IRAK1: variants seen among roughly 807,000 people sequenced by gnomAD.
The protein encoded by IRAK1 is interleukin 1 receptor associated kinase 1.
IRAK1 carries 9 observed loss-of-function variants against 49.8 expected under a neutral mutation model. That is an observed-to-expected ratio of 0.18 (90% confidence interval 0.11 to 0.32). IRAK1 has a LOEUF of 0.32. Ranked by LOEUF, IRAK1 falls within the 10% of genes least tolerant of loss-of-function variation. IRAK1 has a pLI of 1.00. For synonymous variants in IRAK1, 282 were observed against 270.8 expected (o/e 1.04, Z -0.41); for missense variants, 418 against 600.5 (o/e 0.70, Z 3.18).
rs2065692037 is a variant in IRAK1, at chrX:154,010,806, C to T, written c.*1053G>A. 7.4e-6 allele frequency: 2 copies of T among 269,489 alleles called. No homozygotes were observed. Among genetic ancestry groups the T allele is most frequent in the South Asian group, 6.9e-5 (2 of 28,957 alleles). The allele number at this position is 269,489 out of a possible 1,213,427, so 22.2% of individuals were successfully genotyped here. On this transcript the variant is annotated 3_prime_UTR_variant, in exon 14 of 14. Transcript: ENST00000369980. ...CTGGGTAACTAGGTCTTGGGCCTAG[C>T]TAGACCTTGGGTAGTGGCCCCTCTG...
At chrX:154,012,077 T>A (rs1230341169) in intron 13 of IRAK1, among the ~76,000 whole-genome samples, 160 bp from the exon 14 acceptor site, 1 of 112,569 alleles carries the variant, frequency 8.9e-6, no homozygotes, top group East Asian at 2.8e-4. Context: ...AGACAGGGTC[T>A]AACTGTCTCC....
At chrX:154,014,368 TGATAA>T in intron 10 of IRAK1, 90 bp from the exon 11 acceptor site, 2 of 669,257 alleles carry the variant, frequency 3.0e-6, no homozygotes, top group African/African-American at 3.9e-5. Flanking sequence ...GTATGGGTTT[TGATAA>T]AAAAAAAAAA....
chrX:154,017,816 AAAAAAAAAAAT>A (rs1247440532), intron 7 of IRAK1, among the ~76,000 whole-genome samples, 179 bp downstream of exon 7: 4 of 99,006 alleles, frequency 4.0e-5, no homozygotes, highest in South Asian at 9.3e-4. Flanking sequence ...AAAAAAAAAA[AAAAAAAAAAAT>A]TGACCCCACC....
chrX:154,015,788 C>A (rs2065734757), intron 10 of IRAK1, among the ~76,000 whole-genome samples: 2 of 112,645 alleles, frequency 1.8e-5, no homozygotes, highest in Admixed American at 9.3e-5. Context: ...CTGGGACCGC[C>A]CTTCCCCCTG....
At position 154,011,739 on chromosome X, in the gene IRAK1, C is replaced by G. The variant is rs1322380607; in HGVS notation, c.*120G>C. ...CAGCAGGGCCACCTCCTTCTCTCCC[C>G]CGCGGGCATGGGCCCCCACCCCCAC... On this transcript the variant is annotated 3_prime_UTR_variant, in exon 14 of 14. Coordinates refer to ENST00000369980, the MANE Select transcript of IRAK1 (RefSeq NM_001569.4). 4.3e-6 allele frequency: 3 copies of G among 700,896 alleles called. No homozygotes were observed. Among genetic ancestry groups the G allele is most frequent in the Non-Finnish European group, 6.9e-6 (3 of 433,613 alleles). 57.8% of individuals were successfully genotyped at this position (700,896 alleles called of 1,213,427 possible).
rs782315247 is a variant in IRAK1 at position 154,014,164 on chromosome X, T to A, written c.1417A>T (p.Ile473Phe). ...DAWAAPIAMQIYKKHLDPRPG... is the reference protein window; with the variant it reads ...DAWAAPIAMQFYKKHLDPRPG... ...CTGGGGTCCAGGTGCTTCTTGTAGA[T>A]CTGCATGGCGATGGGAGCAGCCCAG... Residue 473 changes from isoleucine to phenylalanine, a missense_variant, in exon 11 of 14, where the codon ATC (isoleucine) becomes TTC (phenylalanine). By Grantham distance (21) the Ile-to-Phe change is conservative. Coordinates refer to ENST00000369980, the MANE Select transcript of IRAK1 (RefSeq NM_001569.4). The A allele has an allele frequency of 3.4e-5, 41 of 1,207,749 alleles. No individual in the cohort carries two copies. In the Middle Eastern group the frequency reaches 6.9e-4, roughly 20 times the overall value.
In IRAK1 at chrX:154,013,028, C is replaced by A. The variant is rs782133738; in HGVS notation, c.1930+15G>T. The A allele has an allele frequency of 4.2e-6, 5 of 1,204,327 alleles. No individual in the cohort carries two copies. The highest frequency in any genetic ancestry group is 4.5e-6 in the Non-Finnish European group (4 of 893,733). ...GGCCTTGGTCCCTCTCCTGGGAACC[C>A]GTCTCCCCAGCTACCTTCCACGGCT... On this transcript the variant is annotated intron_variant, in intron 12 of 13. Coordinates refer to ENST00000369980, the MANE Select transcript of IRAK1 (RefSeq NM_001569.4).
In IRAK1 at chrX:154,010,795, C is replaced by T. The variant is rs917441432; in HGVS notation, c.*1064G>A. The T allele has an allele frequency of 9.4e-5, 24 of 254,851 alleles. No homozygotes were observed. Among genetic ancestry groups the T allele is most frequent in the African/African-American group, 6.6e-4 (23 of 35,024 alleles). 21.0% of individuals were successfully genotyped at this position (254,851 alleles called of 1,213,427 possible). A position where few individuals can be genotyped will look rare whatever the true frequency, so the allele number is the denominator to read the frequency against. ...CTTCTCACTGTCTGGGTAACTAGGT[C>T]TTGGGCCTAGCTAGACCTTGGGTAG... On this transcript the variant is annotated 3_prime_UTR_variant, in exon 14 of 14. Coordinates refer to ENST00000369980, the MANE Select transcript of IRAK1 (RefSeq NM_001569.4).
At position 154,018,976 on chromosome X, in the gene IRAK1, T is replaced by C. The variant is rs1557130517; in HGVS notation, c.539A>G (p.Lys180Arg). ...PPPSPAPSST[K>R]PGPESSVSLL... ...CCCTGGGGGGCAGGGGACACCTACC[T>C]TGGTAGAAGAAGGGGCTGGAGATGG... The change falls in exon 4 of 14, where the codon AAG becomes AGG. Residue 180 changes from lysine (K) to arginine (R), a missense_variant and splice_region_variant. Lys to Arg is a conservative substitution (Grantham distance 26). Around this residue, in one of 3 missense-constraint regions of IRAK1, gnomAD observed 377 missense variants for 499.5 expected, o/e 0.75. Coordinates refer to ENST00000369980, the MANE Select transcript of IRAK1 (RefSeq NM_001569.4). 5 of 1,188,614 alleles carry C rather than the reference T, an allele frequency of 4.2e-6. No individual in the cohort carries two copies. The South Asian group carries it at 9.2e-5, about 22-fold the overall frequency.
chrX:154,012,699 C>T, intron 12 of IRAK1, 21 bp from the exon 13 acceptor site: 1 of 1,201,289 alleles, frequency 8.3e-7, no homozygotes. Flanking sequence ...GATGGCACTC[C>T]CTTAGCCTCA....
intron 2 of IRAK1, 28 bp downstream of exon 2, chrX:154,019,403 C>A (rs373523853): frequency 2.5e-5 from 28 of 1,112,057 alleles, no homozygotes; most frequent in Non-Finnish European, 3.4e-5. Flanking sequence ...GCCTCCCAGC[C>A]GTGGGGTGCC....
intron 8 of IRAK1, 37 bp downstream of exon 8, chrX:154,016,912 G>A (rs781841090): frequency 3.8e-6 from 4 of 1,046,384 alleles, no homozygotes; most frequent in South Asian, 3.7e-5. Context: ...CCTTGCTGCA[G>A]GCCCTGCCCC....
Position 154,018,127 on chromosome X carries a change from G to C in IRAK1, c.795-7C>G. ...AATGTTTGGGTGACGAAACCTGTTTGAAAAAGGGGAGCACTTTCCATCAGG... is the reference window on the plus strand; with the variant it reads ...AATGTTTGGGTGACGAAACCTGTTTCAAAAAGGGGAGCACTTTCCATCAGG... On this transcript the variant is annotated splice_polypyrimidine_tract_variant and splice_region_variant and intron_variant, in intron 6 of 13. Coordinates refer to ENST00000369980, the MANE Select transcript of IRAK1 (RefSeq NM_001569.4). The C allele has an allele frequency of 8.5e-7, 1 of 1,180,574 alleles. No homozygotes were observed. Among genetic ancestry groups the C allele is most frequent in the Non-Finnish European group, 1.2e-6 (1 of 866,826 alleles).
Position 154,013,410 on chromosome X carries a change from C to A in IRAK1, c.1563G>T (p.Leu521=). 8.4e-7 allele frequency: 1 copy of A among 1,193,331 alleles called. No homozygotes were observed. Among genetic ancestry groups the A allele is most frequent in the East Asian group, 3.0e-5 (1 of 33,717 alleles). Residue 521 remains leucine, a synonymous_variant, in exon 12 of 14, where the codon CTG becomes CTT. Coordinates refer to ENST00000369980, the MANE Select transcript of IRAK1 (RefSeq NM_001569.4). ...CGGGCACCCCCGCCACCACTGCCTG[C>A]AGCTTCTCTAGCCTCTCGTACACCT... The part of the protein sequence containing the change: ...MTQVYERLEK[L]QAVVAGVPGH...
rs782789872 is a variant in IRAK1 at position 154,011,765 on chromosome X, TGCCG to T, written c.*90_*93del. On this transcript the variant is annotated 3_prime_UTR_variant, in exon 14 of 14. Transcript: ENST00000369980. ...CGCGGGCATGGGCCCCCACCCCCAC[TGCCG>T]GCAGAGTGCTGAGGACTCGTGCACC... is the stretch of plus-strand genomic sequence containing the variant. 4 of 924,436 alleles carry T rather than the reference TGCCG, an allele frequency of 4.3e-6. No individual in the cohort carries two copies. Among genetic ancestry groups the T allele is most frequent in the Non-Finnish European group, 1.6e-6 (1 of 633,722 alleles). 76.2% of individuals were successfully genotyped at this position (924,436 alleles called of 1,213,427 possible). A position where few individuals can be genotyped will look rare whatever the true frequency, so the allele number is the denominator to read the frequency against.
intron 13 of IRAK1, 122 bp downstream of exon 13, chrX:154,012,407 G>A (rs2065705584): frequency 1.1e-5 from 9 of 821,215 alleles, no homozygotes; most frequent in South Asian, 2.7e-5. Flanking sequence ...TCTAGAGGTC[G>A]CCAGAGCCAG....
intron 10 of IRAK1, among the ~76,000 whole-genome samples, chrX:154,015,264 A>G (rs1366856841): frequency 8.9e-6 from 1 of 111,760 alleles, no homozygotes; most frequent in African/African-American, 3.3e-5. Context: ...CAGGGTGGGG[A>G]GCAAGTGGGG....
chrX:154,013,967 T>C, intron 11 of IRAK1, 75 bp downstream of exon 11: 4 of 1,117,881 alleles, frequency 3.6e-6, no homozygotes, highest in Non-Finnish European at 4.8e-6. Context: ...GGTGCTGAGA[T>C]GGGGTCACTA....
chrX:154,019,286 G>C lies in IRAK1; in HGVS notation c.347C>G (p.Pro116Arg), dbSNP rs782115156. Reference protein sequence around the residue: ...APLPSPGTTAPRPSSIPAPAE... With the variant: ...APLPSPGTTARRPSSIPAPAE... ...GGGTGCAGGGATGCTGCTGGGCCTC[G>C]GGGCAGTGGTGCCTGGGGACGGAAG... Residue 116 changes from proline to arginine, a missense_variant, in exon 3 of 14, where the codon CCG becomes CGG. By Grantham distance (103) the Pro-to-Arg change is moderately radical. This residue lies in a region of IRAK1 where 377 missense variants were observed against 499.5 expected (regional missense o/e 0.75). Transcript: ENST00000369980. 3 of 1,183,353 alleles carry C rather than the reference G, an allele frequency of 2.5e-6. No homozygotes were observed. Among genetic ancestry groups the C allele is most frequent in the South Asian group, 1.9e-5 (1 of 53,189 alleles).
Sources: gnomAD v4.1 joint callset for allele counts (sites outside exome capture counted in the v4.1 genomes callset) on GRCh38, gnomAD v4.1.1 for gene constraint, gnomAD v4.1.1 regional missense constraint, MANE v1.5 for transcripts, NCBI Gene and HGNC (gene_info 2026-07-23, HGNC 2026-07-21) for gene names.